The following TSPAN13 variants were observed in gnomAD, a reference collection of about 807,000 sequenced individuals.
The protein encoded by TSPAN13 is tetraspanin 13, also known as tetraspanin-13.
Under a neutral mutation model 26.9 loss-of-function variants are expected in TSPAN13, and 18 were observed. That is an observed-to-expected ratio of 0.67 (90% CI 0.46 to 0.99). The LOEUF is 0.99. TSPAN13 is among the 50% of genes least tolerant of loss of function. TSPAN13 has a pLI of 0.00. For missense variants in TSPAN13, 201 were observed against 249.6 expected (o/e 0.81, Z 1.31); for synonymous variants, 116 against 98.4 (o/e 1.18, Z -1.06).
intron 1 of TSPAN13, among the ~76,000 whole-genome samples, chr7:16,754,446 G>T (rs1005928121): frequency 3.9e-5 from 6 of 152,212 alleles, no homozygotes; most frequent in Admixed American, 6.5e-5. Flanking sequence ...ACAGTTTTGC[G>T]GAATGGCGTG....
intron 1 of TSPAN13, among the ~76,000 whole-genome samples, chr7:16,761,828 C>T (rs1388911359): frequency 6.7e-6 from 1 of 149,766 alleles, no homozygotes; most frequent in African/African-American, 2.5e-5. Context: ...AGCCACTGAA[C>T]CTGCCTACCT....
intron 1 of TSPAN13, among the ~76,000 whole-genome samples, chr7:16,773,552 G>C (rs537306153): frequency 6.6e-6 from 1 of 152,274 alleles, no homozygotes; most frequent in Admixed American, 6.5e-5. Flanking sequence ...CTGGCCGTTT[G>C]CAGAGAAAGT....
chr7:16,776,354 ACAT>A lies in TSPAN13; in HGVS notation c.213_215del (p.His71del). 1 of 1,613,596 alleles carries A rather than the reference ACAT, an allele frequency of 6.2e-7. No individual in the cohort carries two copies. Among genetic ancestry groups the A allele is most frequent in the Non-Finnish European group, 8.5e-7 (1 of 1,179,780 alleles). On this transcript the variant is annotated inframe_deletion, in exon 2 of 6. Coordinates refer to ENST00000262067, the MANE Select transcript of TSPAN13 (RefSeq NM_014399.4). ...TAGTGGGTCTGATTGGAGCTGTAAA[ACAT>A]CATCAGGTGTTGCTATTTTTTGTAT... is the stretch of plus-strand genomic sequence containing the variant.
chr7:16,770,963 A>G (rs1424610116), intron 1 of TSPAN13, among the ~76,000 whole-genome samples: 1 of 152,158 alleles, frequency 6.6e-6, no homozygotes, highest in African/African-American at 2.4e-5. Context: ...CTTTCTGGAT[A>G]GGTTGTTGTG....
intron 1 of TSPAN13, among the ~76,000 whole-genome samples, chr7:16,761,796 G>C (rs1784544260): frequency 7.0e-6 from 1 of 142,892 alleles, no homozygotes; most frequent in Admixed American, 7.6e-5. Flanking sequence ...TGGCTTCCCA[G>C]AGTACTGAGA....
chr7:16,771,124 C>T (rs1447654147), intron 1 of TSPAN13, among the ~76,000 whole-genome samples: 1 of 152,258 alleles, frequency 6.6e-6, no homozygotes, highest in African/African-American at 2.4e-5. Flanking sequence ...CCCACCTGCT[C>T]ATGGGACCCC....
intron 1 of TSPAN13, among the ~76,000 whole-genome samples, chr7:16,758,747 T>TA (rs1263370700): frequency 7.4e-6 from 1 of 135,234 alleles, no homozygotes; most frequent in African/African-American, 2.8e-5. Flanking sequence ...TTTCTTGTAA[T>TA]ACCCTTTTTT....
At chr7:16,759,255 G>C (rs1299715737) in intron 1 of TSPAN13, among the ~76,000 whole-genome samples, 2 of 152,152 alleles carry the variant, frequency 1.3e-5, no homozygotes, top group African/African-American at 2.4e-5. Context: ...ATAAAGAAAA[G>C]AGGTTTAATT....
intron 1 of TSPAN13, among the ~76,000 whole-genome samples, chr7:16,773,485 C>T (rs1784706075): frequency 6.6e-6 from 1 of 152,128 alleles, no homozygotes; most frequent in African/African-American, 2.4e-5. Flanking sequence ...TGTACAGGGG[C>T]AGAGTTGGGT....
chr7:16,764,366 G>A (rs1241052061), intron 1 of TSPAN13, among the ~76,000 whole-genome samples: 2 of 151,986 alleles, frequency 1.3e-5, no homozygotes, highest in Admixed American at 6.6e-5. Flanking sequence ...GTATCAATCT[G>A]AAAGACACAT....
intron 1 of TSPAN13, among the ~76,000 whole-genome samples, chr7:16,755,586 C>G (rs111606545): frequency 4.9e-5 from 7 of 143,460 alleles, no homozygotes; most frequent in African/African-American, 7.8e-5. Context: ...CTGCTTGGAA[C>G]TTTAAATTCC....
intron 1 of TSPAN13, among the ~76,000 whole-genome samples, chr7:16,768,000 C>T (rs182616550): frequency 1.3e-5 from 2 of 152,334 alleles, no homozygotes; most frequent in East Asian, 3.9e-4. Context: ...GCAACCTCCT[C>T]CTCCCAGGTT....
chr7:16,777,557 CTTCTTTTAAATTGCATGTAAA>C (rs1356449673), intron 3 of TSPAN13, among the ~76,000 whole-genome samples: 2 of 152,116 alleles, frequency 1.3e-5, no homozygotes, highest in African/African-American at 2.4e-5. Flanking sequence ...GAACCAAGTG[CTTCTTTTAAATTGCATGTAAA>C]TTCTTTTAAA....
At chr7:16,774,460 A>G (rs1334835249) in intron 1 of TSPAN13, among the ~76,000 whole-genome samples, 1 of 152,166 alleles carries the variant, frequency 6.6e-6, no homozygotes, top group African/African-American at 2.4e-5. Flanking sequence ...CACCTCCTTC[A>G]GGCTTCTGTC....
intron 2 of TSPAN13, 129 bp from the exon 3 acceptor site, chr7:16,776,913 C>G (rs923856166): frequency 1.2e-5 from 6 of 487,376 alleles, no homozygotes; most frequent in African/African-American, 1.2e-4. Flanking sequence ...TGAACTTTCT[C>G]TAAGTGCCAT....
At chr7:16,760,883 A>G (rs1197890668) in intron 1 of TSPAN13, among the ~76,000 whole-genome samples, 19 of 152,328 alleles carry the variant, frequency 1.2e-4, no homozygotes, top group Non-Finnish European at 7.4e-5. Flanking sequence ...TCCTCTGAAC[A>G]ATAAAGGCAA....
At chr7:16,783,292 C>T in intron 5 of TSPAN13, 125 bp from the exon 6 acceptor site, 2 of 909,994 alleles carry the variant, frequency 2.2e-6, no homozygotes, top group South Asian at 1.7e-5. Flanking sequence ...AAAAAAATCT[C>T]TCCCCGTTGA....
intron 1 of TSPAN13, among the ~76,000 whole-genome samples, chr7:16,762,171 CAG>C (rs1469239878): frequency 4.6e-5 from 7 of 152,136 alleles, no homozygotes; most frequent in Admixed American, 2.6e-4. Context: ...GTTATGTAGA[CAG>C]AGAATAATAT....
intron 1 of TSPAN13, among the ~76,000 whole-genome samples, chr7:16,763,070 C>T (rs1784564457): frequency 6.6e-6 from 1 of 152,164 alleles, no homozygotes. Flanking sequence ...CATGGACCTG[C>T]TCAGCGGTAA....
Sources: gnomAD v4.1 joint callset for allele counts (sites outside exome capture counted in the v4.1 genomes callset) on GRCh38, gnomAD v4.1.1 for gene constraint, MANE v1.5 for transcripts, NCBI Gene and HGNC (gene_info 2026-07-23, HGNC 2026-07-21) for gene names.